The following SSBP3 variants were observed in gnomAD, a reference collection of about 807,000 sequenced individuals.
SSBP3 encodes the protein single-stranded DNA-binding protein 3.
In SSBP3, 5 loss-of-function variants were observed where a neutral mutation model predicts 69.6. The ratio of observed to expected loss-of-function variants is 0.07; its 90% CI spans 0.04 to 0.15. The LOEUF (loss-of-function observed/expected upper bound fraction) is 0.15. Among genes scored for constraint, SSBP3 ranks in the 10% least tolerant of loss-of-function variants. SSBP3 has a pLI of 1.00. For synonymous variants in SSBP3, 196 were observed against 193.4 expected, an observed-to-expected ratio of 1.01 and a Z score of -0.11; for missense variants, 312 against 534.0, an observed-to-expected ratio of 0.58 and a Z score of 4.10.
chr1:54,257,584 C>T (rs1038986993), intron 6 of SSBP3, among the ~76,000 whole-genome samples: 5 of 152,072 alleles, frequency 3.3e-5, no homozygotes, highest in Non-Finnish European at 4.4e-5. Flanking sequence ...CACACGAGCA[C>T]GCACACAGGC....
In SSBP3 at chr1:54,404,968, G is replaced by A. The variant is rs751340057; in HGVS notation, c.57-38C>T. The A allele has an allele frequency of 5.1e-6, 8 of 1,579,970 alleles. No individual in the cohort carries two copies. In the Admixed American group the frequency reaches 1.0e-4, roughly 20 times the overall value. On this transcript the variant is annotated intron_variant, in intron 1 of 17. Transcript: ENST00000610401. Reference sequence around the variant, plus strand: ...CAGGGGGCAAAGAGAGAGAGGGAAAGGCGTCAGATCCCACCGGCGCTCTCC... The same window carrying A: ...CAGGGGGCAAAGAGAGAGAGGGAAAAGCGTCAGATCCCACCGGCGCTCTCC...
At chr1:54,274,659 C>A (rs965630388) in intron 5 of SSBP3, among the ~76,000 whole-genome samples, 2 of 152,188 alleles carry the variant, frequency 1.3e-5, no homozygotes, top group African/African-American at 4.8e-5. Context: ...CACTCCTGCT[C>A]GGGCCATGGC....
At chr1:54,338,854 G>A (rs1646556246) in intron 4 of SSBP3, among the ~76,000 whole-genome samples, 1 of 152,194 alleles carries the variant, frequency 6.6e-6, no homozygotes, top group Non-Finnish European at 1.5e-5. Flanking sequence ...TGAGCCAACA[G>A]GGTATTCTAA....
chr1:54,411,899 A>C (rs2100851442), intron 1 of SSBP3, among the ~76,000 whole-genome samples: 1 of 147,402 alleles, frequency 6.8e-6, no homozygotes, highest in East Asian at 2.0e-4. Flanking sequence ...CTCAAAAAAA[A>C]AAAAAAAAAA....
intron 14 of SSBP3, among the ~76,000 whole-genome samples, chr1:54,234,529 C>T (rs1019125117): frequency 3.3e-5 from 5 of 152,086 alleles, no homozygotes; most frequent in Non-Finnish European, 4.4e-5. Flanking sequence ...GCTGAAGCTG[C>T]AGTGAGCCAT....
chr1:54,255,247 G>GTGGT (rs1183605810), intron 7 of SSBP3, among the ~76,000 whole-genome samples: 1 of 152,062 alleles, frequency 6.6e-6, no homozygotes, highest in Non-Finnish European at 1.5e-5. Flanking sequence ...TTGCTCTTGA[G>GTGGT]TGGTTGCTCA....
In SSBP3 at chr1:54,240,096, G is replaced by A. The variant is rs28576937; in HGVS notation, c.856+809C>T. ...TGTGTGTGTGTGTGTGTGCGCGCGC[G>A]CGCGTGTGCGTGCGCGCGCGCGCGC... On this transcript the variant is annotated intron_variant, in intron 13 of 17. Transcript: ENST00000610401. 7.0e-3 allele frequency among the ~76,000 whole-genome samples: 90 copies of A among 12,810 alleles called. 5 individuals are homozygous for A. In the South Asian group the frequency reaches 0.14, roughly 20 times the overall value. The allele number at this position is 12,810 out of a possible 152,430, so 8.4% of individuals were successfully genotyped here. A position where few individuals can be genotyped will look rare whatever the true frequency, so the allele number is the denominator to read the frequency against.
At chr1:54,338,387 T>C (rs549047215) in intron 4 of SSBP3, among the ~76,000 whole-genome samples, 33 of 152,374 alleles carry the variant, frequency 2.2e-4, no homozygotes, top group Admixed American at 1.0e-3. Flanking sequence ...AGATCTAGCA[T>C]GTATCTCACA....
intron 4 of SSBP3, among the ~76,000 whole-genome samples, chr1:54,317,002 C>T (rs150524657): frequency 4.6e-5 from 7 of 152,198 alleles, no homozygotes; most frequent in African/African-American, 1.7e-4. Context: ...ATTCCCCAAA[C>T]GACCCACCTT....
chr1:54,284,769 TAAA>T (rs920045442), intron 4 of SSBP3, among the ~76,000 whole-genome samples: 1 of 149,808 alleles, frequency 6.7e-6, no homozygotes, highest in Non-Finnish European at 1.5e-5. Context: ...GTGTCTGGCC[TAAA>T]AAAAAAATTA....
intron 4 of SSBP3, among the ~76,000 whole-genome samples, chr1:54,341,594 A>AG (rs964781139): frequency 7.2e-5 from 11 of 152,194 alleles, no homozygotes; most frequent in African/African-American, 2.6e-4. Flanking sequence ...GACAGTAAAG[A>AG]GGATAGCCCA....
At chr1:54,278,696 T>G (rs1645335653) in intron 5 of SSBP3, among the ~76,000 whole-genome samples, 1 of 152,232 alleles carries the variant, frequency 6.6e-6, no homozygotes, top group Admixed American at 6.5e-5. Flanking sequence ...CTGGCCACCC[T>G]AGGCCAGGGT....
chr1:54,403,417 A>G (rs1049163875), intron 3 of SSBP3, among the ~76,000 whole-genome samples: 1 of 152,168 alleles, frequency 6.6e-6, no homozygotes, highest in African/African-American at 2.4e-5. Flanking sequence ...CTAAGTTTCT[A>G]CAAGATCCAA....
At chr1:54,270,705 TACA>T (rs1645178274) in intron 5 of SSBP3, among the ~76,000 whole-genome samples, 2 of 152,158 alleles carry the variant, frequency 1.3e-5, no homozygotes, top group Admixed American at 6.5e-5. Flanking sequence ...CAGACACGCC[TACA>T]ACAACTCTAA....
At chr1:54,384,958 T>C (rs1647966945) in intron 4 of SSBP3, among the ~76,000 whole-genome samples, 1 of 152,170 alleles carries the variant, frequency 6.6e-6, no homozygotes, top group Non-Finnish European at 1.5e-5. Flanking sequence ...ACACCCTGTC[T>C]CCTCTCTGGC....
intron 4 of SSBP3, among the ~76,000 whole-genome samples, chr1:54,398,999 T>C (rs972198604): frequency 6.6e-6 from 1 of 152,204 alleles, no homozygotes; most frequent in South Asian, 2.1e-4. Flanking sequence ...ACTAGTTAAT[T>C]GACTTCAAAA....
At chr1:54,289,315 G>T (rs1344879073) in intron 4 of SSBP3, among the ~76,000 whole-genome samples, 1 of 148,634 alleles carries the variant, frequency 6.7e-6, no homozygotes, top group Non-Finnish European at 1.5e-5. Flanking sequence ...GTGTGTCAAG[G>T]AATGCAAGAT....
intron 5 of SSBP3, among the ~76,000 whole-genome samples, chr1:54,268,427 C>T (rs1198605317): frequency 6.6e-6 from 1 of 152,234 alleles, no homozygotes; most frequent in African/African-American, 2.4e-5. Flanking sequence ...CACTTTTAAG[C>T]TCTCCAGACA....
At chr1:54,279,669 G>T (rs1645355682) in intron 5 of SSBP3, among the ~76,000 whole-genome samples, 2 of 152,216 alleles carry the variant, frequency 1.3e-5, no homozygotes, top group Admixed American at 1.3e-4. Context: ...TGTGAGCCTA[G>T]AAAGAATTCC....
Sources: allele counts gnomAD v4.1 joint callset (sites outside exome capture counted in the v4.1 genomes callset), GRCh38; gene constraint gnomAD v4.1.1; transcripts MANE v1.5; gene names NCBI Gene and HGNC (gene_info 2026-07-23, HGNC 2026-07-21).